CNTNAP2: variants seen among roughly 807,000 people sequenced by gnomAD.
CNTNAP2 encodes the protein contactin associated protein 2.
A neutral mutation model predicts 155.2 loss-of-function variants in CNTNAP2; 98 were observed. The ratio of observed to expected loss-of-function variants is 0.63; its 90% confidence interval spans 0.54 to 0.75. The LOEUF (loss-of-function observed/expected upper bound fraction) is 0.75, where lower values mean the gene tolerates loss of function less well. Among genes scored for constraint, CNTNAP2 ranks in the 30% least tolerant of loss-of-function variants. CNTNAP2 has a pLI of 0.00. For missense variants in CNTNAP2, 1,727 were observed against 1,688.1 expected, an observed-to-expected ratio of 1.02 and a Z score of -0.40; for synonymous variants, 651 against 631.2, an observed-to-expected ratio of 1.03 and a Z score of -0.47.
At chr7:146,815,390 T>C (rs1339379594) in intron 2 of CNTNAP2, among the ~76,000 whole-genome samples, 1 of 152,190 alleles carries the variant, frequency 6.6e-6, no homozygotes, top group African/African-American at 2.4e-5. Context: ...AAATTCGTAA[T>C]GATTATATTT....
intron 13 of CNTNAP2, among the ~76,000 whole-genome samples, chr7:147,825,131 A>G (rs1798426578): frequency 6.6e-6 from 1 of 152,204 alleles, no homozygotes; most frequent in Non-Finnish European, 1.5e-5. Context: ...CAATAGTTAT[A>G]GTTACTTTCA....
At chr7:147,383,503 A>T (rs895647701) in intron 9 of CNTNAP2, among the ~76,000 whole-genome samples, 1 of 152,182 alleles carries the variant, frequency 6.6e-6, no homozygotes, top group Non-Finnish European at 1.5e-5. Flanking sequence ...ACATGTGCAT[A>T]TGTCTTTATA....
intron 14 of CNTNAP2, among the ~76,000 whole-genome samples, chr7:147,932,117 C>T (rs954248400): frequency 6.6e-6 from 1 of 152,094 alleles, no homozygotes; most frequent in East Asian, 1.9e-4. Flanking sequence ...AACTCCTGGG[C>T]TCAAGTGATC....
intron 3 of CNTNAP2, among the ~76,000 whole-genome samples, chr7:146,927,656 C>A (rs1448333688): frequency 6.6e-6 from 1 of 151,888 alleles, no homozygotes; most frequent in Non-Finnish European, 1.5e-5. Flanking sequence ...ATTTCTATGA[C>A]ATTTTTAAGA....
intron 12 of CNTNAP2, among the ~76,000 whole-genome samples, chr7:147,615,433 CAAAAA>C (rs57694877): frequency 9.0e-6 from 1 of 111,388 alleles, no homozygotes; most frequent in Non-Finnish European, 1.9e-5. Context: ...GAACCTGTCT[CAAAAA>C]AAACTGTTAA....
At chr7:146,373,566 C>T (rs1446457210) in intron 1 of CNTNAP2, among the ~76,000 whole-genome samples, 1 of 151,840 alleles carries the variant, frequency 6.6e-6, no homozygotes, top group Non-Finnish European at 1.5e-5. Context: ...CCATAAAATA[C>T]ACCAGAAAGA....
chr7:147,188,687 G>C (rs994372013), intron 8 of CNTNAP2, among the ~76,000 whole-genome samples: 6 of 152,288 alleles, frequency 3.9e-5, no homozygotes, highest in African/African-American at 1.4e-4. Flanking sequence ...AGTGGAGAAG[G>C]AAGAAGTCCA....
rs188671719 is a variant in CNTNAP2, at chr7:147,041,456, C to T, written c.403-2451C>T. Reference sequence around the variant, plus strand: ...ATCCCTGGACTCTGGGTCTTATACCCTAGGTCTGAAATCCTCCTTTATGCC... The same window carrying T: ...ATCCCTGGACTCTGGGTCTTATACCTTAGGTCTGAAATCCTCCTTTATGCC... On this transcript the variant is annotated intron_variant, in intron 3 of 23. Transcript: ENST00000361727. 2.2e-4 allele frequency among the ~76,000 whole-genome samples: 34 copies of T among 152,298 alleles called. 1 individual carries two copies. The highest frequency in any genetic ancestry group is 7.7e-4 in the African/African-American group (32 of 41,574).
At chr7:147,212,210 A>C (rs1366112407) in intron 8 of CNTNAP2, among the ~76,000 whole-genome samples, 1 of 152,146 alleles carries the variant, frequency 6.6e-6, no homozygotes, top group Admixed American at 6.6e-5. Context: ...AGAACTTAGA[A>C]TTGTTATCCA....
intron 14 of CNTNAP2, among the ~76,000 whole-genome samples, chr7:147,956,434 T>C (rs1034990747): frequency 6.6e-6 from 1 of 152,170 alleles, no homozygotes; most frequent in Non-Finnish European, 1.5e-5. Flanking sequence ...TGTCCTCTGA[T>C]TTCTCCTAAG....
At chr7:146,977,665 A>C (rs1251463771) in intron 3 of CNTNAP2, among the ~76,000 whole-genome samples, 1 of 152,208 alleles carries the variant, frequency 6.6e-6, no homozygotes, top group Non-Finnish European at 1.5e-5. Context: ...TATGCATTGA[A>C]AAACTGGCAT....
At chr7:147,310,843 T>C (rs78530823) in intron 9 of CNTNAP2, among the ~76,000 whole-genome samples, 1,643 of 152,184 alleles carry the variant, frequency 0.011, 30 homozygotes, top group African/African-American at 0.038. Flanking sequence ...GGAAGAGAGA[T>C]TGGGCTCAAC....
At chr7:147,698,513 C>G (rs1159022880) in intron 13 of CNTNAP2, among the ~76,000 whole-genome samples, 1 of 152,204 alleles carries the variant, frequency 6.6e-6, no homozygotes, top group African/African-American at 2.4e-5. Flanking sequence ...CTTCCCCCAT[C>G]CACACTTAAG....
At chr7:147,667,489 G>A (rs79639245) in intron 13 of CNTNAP2, among the ~76,000 whole-genome samples, 6,189 of 152,158 alleles carry the variant, frequency 0.041, 140 homozygotes, top group Middle Eastern at 0.13. Context: ...CACTAAACAC[G>A]CACTGCTGGT....
At chr7:146,220,623 A>G (rs1383573823) in intron 1 of CNTNAP2, among the ~76,000 whole-genome samples, 1 of 152,222 alleles carries the variant, frequency 6.6e-6, no homozygotes, top group East Asian at 1.9e-4. Flanking sequence ...TTCACATTTG[A>G]ACTAATAGTG....
intron 2 of CNTNAP2, among the ~76,000 whole-genome samples, chr7:146,823,626 A>C (rs112613530): frequency 1.3e-5 from 2 of 151,282 alleles, no homozygotes; most frequent in South Asian, 2.1e-4. Context: ...CAGTATATTT[A>C]CATGGAAATA....
intron 15 of CNTNAP2, among the ~76,000 whole-genome samples, chr7:148,110,886 C>T (rs1036884064): frequency 9.2e-5 from 14 of 152,162 alleles, no homozygotes; most frequent in African/African-American, 3.4e-4. Flanking sequence ...ATAAGGTTGA[C>T]CCCTCTCCTT....
At chr7:148,387,127 C>CT (rs35551811) in intron 22 of CNTNAP2, among the ~76,000 whole-genome samples, 2 of 151,438 alleles carry the variant, frequency 1.3e-5, no homozygotes, top group African/African-American at 2.4e-5. Context: ...GAAGTCTCTG[C>CT]TTTTTGTCAG....
intron 13 of CNTNAP2, among the ~76,000 whole-genome samples, chr7:147,675,157 TA>T (rs947703359): frequency 3.9e-5 from 6 of 152,056 alleles, no homozygotes; most frequent in African/African-American, 1.2e-4. Flanking sequence ...TCCAGGCTTT[TA>T]TTGGCTTTTG....
Sources: allele counts gnomAD v4.1 joint callset (sites outside exome capture counted in the v4.1 genomes callset), GRCh38; gene constraint gnomAD v4.1.1; transcripts MANE v1.5; gene names NCBI Gene and HGNC (gene_info 2026-07-23, HGNC 2026-07-21).